The following GOLIM4 variants were observed in gnomAD, a reference collection of about 807,000 sequenced individuals.
The protein encoded by GOLIM4 is 130 kDa golgi-localized phosphoprotein.
Under a neutral mutation model 107.4 loss-of-function variants are expected in GOLIM4, and 71 were observed. The ratio of observed to expected loss-of-function variants is 0.66; its 90% CI spans 0.55 to 0.81. GOLIM4 has a LOEUF of 0.81. GOLIM4 is among the 30% of genes least tolerant of loss of function. GOLIM4 has a pLI of 0.00. For missense variants in GOLIM4, 830 were observed against 826.1 expected (o/e 1.00, Z -0.06); for synonymous variants, 327 against 294.8 (o/e 1.11, Z -1.12).
chr3:168,029,264 A>G lies in GOLIM4; in HGVS notation c.1472T>C (p.Val491Ala), dbSNP rs1187331661. The G allele has an allele frequency of 6.2e-7, 1 of 1,611,114 alleles. No individual in the cohort carries two copies. Among genetic ancestry groups the G allele is most frequent in the Admixed American group, 1.7e-5 (1 of 59,864 alleles). The change falls in exon 11 of 16, where the codon GTT (valine) becomes GCT (alanine). Residue 491 changes from valine to alanine, a missense_variant. Coordinates refer to ENST00000470487, the MANE Select transcript of GOLIM4 (RefSeq NM_014498.5). ...AHYDAMDNDI[V>A]QGAEDQGIQG... is the part of the protein sequence containing the mutation. Reference sequence around the variant, plus strand: ...GATTCCCTGGTCCTCTGCTCCCTGAACGATATCATTATCCATAGCATCATA... The same window carrying G: ...GATTCCCTGGTCCTCTGCTCCCTGAGCGATATCATTATCCATAGCATCATA...
intron 15 of GOLIM4, 83 bp downstream of exon 15, chr3:168,010,660 T>C: frequency 9.6e-7 from 1 of 1,046,060 alleles, no homozygotes; most frequent in Non-Finnish European, 1.5e-6. Flanking sequence ...CTGGTACGTA[T>C]CCCAAATACA....
At chr3:168,040,932 G>C in intron 6 of GOLIM4, 63 bp from the exon 7 acceptor site, 1 of 1,061,446 alleles carries the variant, frequency 9.4e-7, no homozygotes, top group Non-Finnish European at 1.5e-6. Context: ...TTCTTTGGCT[G>C]ATCGTGATAT....
At chr3:168,037,325 T>TA (rs553538112) in intron 7 of GOLIM4, among the ~76,000 whole-genome samples, 7 of 152,256 alleles carry the variant, frequency 4.6e-5, no homozygotes, top group South Asian at 2.1e-4. Flanking sequence ...TTTATCATAT[T>TA]AAAAAATCCA....
rs1185839251 is a variant in GOLIM4 at position 168,011,158 on chromosome 3, G to A, written c.1861-335C>T. 4.0e-5 allele frequency among the ~76,000 whole-genome samples: 6 copies of A among 150,302 alleles called. 1 individual carries two copies. The highest frequency in any genetic ancestry group is 1.5e-4 in the African/African-American group (6 of 39,708). On this transcript the variant is annotated intron_variant, in intron 14 of 15. Coordinates refer to ENST00000470487, the MANE Select transcript of GOLIM4 (RefSeq NM_014498.5). The stretch of plus-strand genomic sequence containing the variant: ...AGGTTCCTCTCACTAGGGAGTGCCA[G>A]ACAGTGGGTGCAGGTCAGTGGGTGC...
chr3:168,089,389 C>T (rs1196922553), intron 1 of GOLIM4, among the ~76,000 whole-genome samples: 3 of 152,232 alleles, frequency 2.0e-5, no homozygotes, highest in African/African-American at 7.2e-5. Context: ...CTATGAACCA[C>T]TCTGTTGTAT....
intron 1 of GOLIM4, among the ~76,000 whole-genome samples, chr3:168,055,151 G>C (rs1339942601): frequency 6.6e-6 from 1 of 152,122 alleles, no homozygotes; most frequent in Non-Finnish European, 1.5e-5. Flanking sequence ...CTGCTGAAAA[G>C]ATACCCAAAA....
chr3:168,030,736 A>G, intron 9 of GOLIM4, among the ~76,000 whole-genome samples: 1 of 152,228 alleles, frequency 6.6e-6, no homozygotes, highest in East Asian at 1.9e-4. Context: ...ATGTGGAGAA[A>G]GGGGAACCCT....
At position 168,032,832 on chromosome 3, in the gene GOLIM4, C is replaced by A. The variant is rs766244759; in HGVS notation, c.864G>T (p.Val288=). The A allele has an allele frequency of 6.2e-6, 10 of 1,612,090 alleles. No individual in the cohort carries two copies. The highest frequency in any genetic ancestry group is 1.7e-4 in the Middle Eastern group (1 of 6,056). The change falls in exon 9 of 16, where the codon GTG becomes GTT. Residue 288 remains valine (V), a synonymous_variant. Coordinates refer to ENST00000470487, the MANE Select transcript of GOLIM4 (RefSeq NM_014498.5). ...EVQEVSRNND[V]WQNHEAVPGR... ...CAGGAACTGCTTCATGGTTCTGCCA[C>A]ACATCATTATTTCGAGACACCTAGG...
intron 7 of GOLIM4, among the ~76,000 whole-genome samples, chr3:168,039,803 G>A (rs1202203852): frequency 6.6e-6 from 1 of 152,072 alleles, no homozygotes; most frequent in Non-Finnish European, 1.5e-5. Flanking sequence ...TTATAAAGAA[G>A]ACGTGAAATG....
chr3:168,019,253 TCCAA>T (rs747091147), intron 14 of GOLIM4, among the ~76,000 whole-genome samples: 3 of 152,210 alleles, frequency 2.0e-5, no homozygotes, highest in Non-Finnish European at 4.4e-5. Flanking sequence ...TAGAGCCACC[TCCAA>T]TGTTCAAAAG....
At chr3:168,079,242 G>A (rs1386973454) in intron 1 of GOLIM4, among the ~76,000 whole-genome samples, 1 of 152,158 alleles carries the variant, frequency 6.6e-6, no homozygotes, top group East Asian at 1.9e-4. Flanking sequence ...TAATAACATA[G>A]TAATAGAAAT....
chr3:168,023,871 C>T (rs1221376550), intron 14 of GOLIM4, among the ~76,000 whole-genome samples: 1 of 152,114 alleles, frequency 6.6e-6, no homozygotes, highest in East Asian at 1.9e-4. Context: ...GTAAGCAGCA[C>T]CACAATAAAC....
intron 1 of GOLIM4, among the ~76,000 whole-genome samples, chr3:168,052,449 A>G (rs1346879455): frequency 6.6e-6 from 1 of 152,130 alleles, no homozygotes; most frequent in African/African-American, 2.4e-5. Flanking sequence ...TGACTTAAAA[A>G]GGCAATGACA....
intron 14 of GOLIM4, among the ~76,000 whole-genome samples, chr3:168,011,085 G>A (rs936881399): frequency 6.6e-5 from 10 of 152,222 alleles, no homozygotes; most frequent in Non-Finnish European, 1.5e-4. Flanking sequence ...AGCTCCCAGT[G>A]TGAGCGACGC....
At chr3:168,078,580 T>C (rs2108286063) in intron 1 of GOLIM4, among the ~76,000 whole-genome samples, 1 of 152,292 alleles carries the variant, frequency 6.6e-6, no homozygotes, top group East Asian at 1.9e-4. Context: ...ATTAACTCTG[T>C]AATATTCCTC....
At chr3:168,028,255 GC>G (rs1434242904) in intron 11 of GOLIM4, among the ~76,000 whole-genome samples, 2 of 152,170 alleles carry the variant, frequency 1.3e-5, no homozygotes, top group Non-Finnish European at 2.9e-5. Context: ...AGGAAGAACT[GC>G]CCCATCTGTG....
chr3:168,048,258 A>G, intron 2 of GOLIM4, 33 bp downstream of exon 2: 1 of 1,141,998 alleles, frequency 8.8e-7, no homozygotes, highest in Middle Eastern at 1.9e-4. Context: ...GAGTACTGGA[A>G]AAACACAGAA....
At chr3:168,048,176 G>A (rs1045454684) in intron 2 of GOLIM4, 115 bp downstream of exon 2, 8 of 673,734 alleles carry the variant, frequency 1.2e-5, no homozygotes, top group East Asian at 8.2e-5. Context: ...CCACCTATCT[G>A]ACTTTGGGTT....
chr3:168,037,076 G>C (rs988649122), intron 7 of GOLIM4, 82 bp from the exon 8 acceptor site: 5 of 590,664 alleles, frequency 8.5e-6, no homozygotes, highest in Middle Eastern at 3.8e-4. Context: ...TGTAAAACTA[G>C]ACAAAAATAT....
Sources: allele counts gnomAD v4.1 joint callset (sites outside exome capture counted in the v4.1 genomes callset), GRCh38; gene constraint gnomAD v4.1.1; transcripts MANE v1.5; gene names NCBI Gene and HGNC (gene_info 2026-07-23, HGNC 2026-07-21).